Variants in MDFIC2 observed in about 807,000 individuals in gnomAD.
MDFIC2 encodes myoD family inhibitor domain-containing protein 2.
At chr3:70,206,956 G>T (rs1701297206) in intron 2 of MDFIC2, among the ~76,000 whole-genome samples, 166 bp from the exon 3 acceptor site, 1 of 151,092 alleles carries the variant, frequency 6.6e-6, no homozygotes, top group African/African-American at 2.4e-5. Flanking sequence ...ATATGAGAAA[G>T]AAGAGTGCAA....
intron 2 of MDFIC2, among the ~76,000 whole-genome samples, chr3:70,243,568 A>G (rs1224996666): frequency 1.3e-5 from 2 of 152,092 alleles, no homozygotes; most frequent in Non-Finnish European, 2.9e-5. Context: ...CACTATCGTC[A>G]TTTTGGACTG....
intron 2 of MDFIC2, among the ~76,000 whole-genome samples, chr3:70,290,748 G>T (rs1414069463): frequency 1.3e-5 from 2 of 152,190 alleles, no homozygotes; most frequent in East Asian, 1.9e-4. Context: ...CCAGGTGCAG[G>T]TTATAATCTC....
Position 70,250,443 on chromosome 3 carries a change from A to G in MDFIC2, c.89-43653T>C, listed in dbSNP as rs1701751993. Among the ~76,000 whole-genome samples the G allele has an allele frequency of 2.7e-5, 4 of 150,868 alleles. No individual in the cohort carries two copies. The South Asian group carries it at 8.4e-4, about 31-fold the overall frequency. On this transcript the variant is annotated intron_variant, in intron 2 of 3. Transcript: ENST00000567252. Reference sequence around the variant, plus strand: ...CACACACACACACACACACACACACACACACACAAACACAAACCTCAGAAT... The same window carrying G: ...CACACACACACACACACACACACACGCACACACAAACACAAACCTCAGAAT...
intron 2 of MDFIC2, among the ~76,000 whole-genome samples, chr3:70,238,081 G>C (rs1430549564): frequency 1.5e-5 from 2 of 132,546 alleles, no homozygotes; most frequent in Non-Finnish European, 3.1e-5. Flanking sequence ...ACCTTGAGTG[G>C]AAATGGCTTG....
chr3:70,307,417 G>T (rs2106706813), intron 2 of MDFIC2, among the ~76,000 whole-genome samples: 1 of 152,084 alleles, frequency 6.6e-6, no homozygotes, highest in African/African-American at 2.4e-5. Flanking sequence ...CGTATCAAAT[G>T]GTGTAAGCTA....
intron 2 of MDFIC2, among the ~76,000 whole-genome samples, chr3:70,268,546 C>T (rs1701945790): frequency 6.6e-6 from 1 of 151,224 alleles, no homozygotes; most frequent in Non-Finnish European, 1.5e-5. Context: ...TACACTGACA[C>T]ATCAACACTC....
rs557837302 is a variant in MDFIC2 at position 70,300,464 on chromosome 3, CAGAT to C, written c.88+11418_88+11421del. Among the ~76,000 whole-genome samples the C allele has an allele frequency of 1.4e-3, 210 of 151,998 alleles. 1 individual carries two copies. The highest frequency in any genetic ancestry group is 4.9e-3 in the African/African-American group (203 of 41,478). On this transcript the variant is annotated intron_variant, in intron 2 of 3. Coordinates refer to ENST00000567252, the MANE Select transcript of MDFIC2 (RefSeq NM_001364677.1). Reference sequence around the variant, plus strand: ...AAATATAGTTAGAAGGGCATAGAGACAGATAGAGTTAGATATGTGTATTTTTCCA... The same window carrying C: ...AAATATAGTTAGAAGGGCATAGAGACAGAGTTAGATATGTGTATTTTTCCA...
At chr3:70,200,495 G>A (rs1434902269) in intron 3 of MDFIC2, among the ~76,000 whole-genome samples, 3 of 152,120 alleles carry the variant, frequency 2.0e-5, no homozygotes, top group Non-Finnish European at 4.4e-5. Context: ...TGCCTGCATT[G>A]CACACCCTCC....
At chr3:70,219,512 A>G (rs1293971353) in intron 2 of MDFIC2, among the ~76,000 whole-genome samples, 1 of 152,186 alleles carries the variant, frequency 6.6e-6, no homozygotes, top group East Asian at 1.9e-4. Flanking sequence ...AAAATTGTGC[A>G]AGGTTTTCAT....
intron 2 of MDFIC2, among the ~76,000 whole-genome samples, chr3:70,241,493 G>A (rs1169399405): frequency 1.3e-5 from 2 of 152,108 alleles, no homozygotes; most frequent in East Asian, 3.9e-4. Context: ...TGGGAGGTAT[G>A]GTAGGAATTG....
intron 2 of MDFIC2, among the ~76,000 whole-genome samples, chr3:70,221,882 C>T (rs1256228265): frequency 2.6e-5 from 4 of 152,138 alleles, no homozygotes. Flanking sequence ...ATTGGAAAAA[C>T]CGCAATTTGT....
Position 70,214,144 on chromosome 3 carries a change from G to T in MDFIC2, c.89-7354C>A, listed in dbSNP as rs372022597. ...TCAATTGCTACATCCTGATAGATTG[G>T]ATAAGACAAAACCTTGGGTTCATTA... is the stretch of plus-strand genomic sequence containing the variant. On this transcript the variant is annotated intron_variant, in intron 2 of 3. Coordinates refer to ENST00000567252, the MANE Select transcript of MDFIC2 (RefSeq NM_001364677.1). Among the ~76,000 whole-genome samples, 22 of 152,204 alleles carry T rather than the reference G, an allele frequency of 1.4e-4. 1 individual carries two copies. Among genetic ancestry groups the T allele is most frequent in the East Asian group, 9.7e-4 (5 of 5,160 alleles).
chr3:70,293,121 C>T (rs1402288899), intron 2 of MDFIC2, among the ~76,000 whole-genome samples: 1 of 149,998 alleles, frequency 6.7e-6, no homozygotes, highest in Non-Finnish European at 1.5e-5. Flanking sequence ...TCACCAACTG[C>T]TGCTCTCCCT....
At chr3:70,309,693 C>T (rs1245512302) in intron 2 of MDFIC2, among the ~76,000 whole-genome samples, 1 of 152,026 alleles carries the variant, frequency 6.6e-6, no homozygotes, top group Non-Finnish European at 1.5e-5. Context: ...AAAAAAAAGA[C>T]ATTTATGTTT....
intron 2 of MDFIC2, among the ~76,000 whole-genome samples, chr3:70,288,721 T>C (rs940065186): frequency 1.3e-5 from 2 of 151,926 alleles, no homozygotes; most frequent in Admixed American, 1.3e-4. Flanking sequence ...ACTCAGGACT[T>C]GCTTTATGAA....
At chr3:70,243,254 T>C (rs1221451645) in intron 2 of MDFIC2, among the ~76,000 whole-genome samples, 2 of 152,130 alleles carry the variant, frequency 1.3e-5, no homozygotes, top group African/African-American at 4.8e-5. Context: ...TTATTGGGGA[T>C]TTTTCAGCTG....
intron 2 of MDFIC2, among the ~76,000 whole-genome samples, chr3:70,299,135 C>G (rs940151169): frequency 2.0e-5 from 3 of 151,994 alleles, no homozygotes; most frequent in African/African-American, 7.2e-5. Context: ...GCCTGAATAT[C>G]CAAACATAGG....
intron 2 of MDFIC2, among the ~76,000 whole-genome samples, chr3:70,306,288 T>C (rs1252381995): frequency 6.6e-6 from 1 of 152,100 alleles, no homozygotes; most frequent in Non-Finnish European, 1.5e-5. Flanking sequence ...AATTTCTATA[T>C]TTTTAGTAAA....
At chr3:70,292,313 C>G (rs1702246449) in intron 2 of MDFIC2, among the ~76,000 whole-genome samples, 1 of 152,078 alleles carries the variant, frequency 6.6e-6, no homozygotes. Flanking sequence ...TAGTATCTAT[C>G]TATTAGAATG....
Sources: allele counts gnomAD v4.1 joint callset (sites outside exome capture counted in the v4.1 genomes callset), GRCh38; gene constraint gnomAD v4.1.1; transcripts MANE v1.5; gene names NCBI Gene and HGNC (gene_info 2026-07-23, HGNC 2026-07-21).